PLPP3: variants seen among roughly 807,000 people sequenced by gnomAD.
PLPP3 encodes the protein PAP2 beta.
PLPP3 carries 6 observed loss-of-function variants against 29.6 expected under a neutral mutation model. The ratio of observed to expected loss-of-function variants is 0.20; its 90% CI spans 0.11 to 0.40. The LOEUF (loss-of-function observed/expected upper bound fraction) is 0.40, where lower values mean the gene tolerates loss of function less well. PLPP3 is among the 10% of genes least tolerant of loss of function. The probability of loss-of-function intolerance (pLI) is 1.00; values close to 1 mark genes in which losing one functional copy is unlikely to be tolerated. For synonymous variants in PLPP3, 152 were observed against 159.7 expected (o/e 0.95, Z 0.36); for missense variants, 308 against 407.7 (o/e 0.76, Z 2.11).
chr1:56,532,101 G>A (rs1232964508), intron 2 of PLPP3, among the ~76,000 whole-genome samples: 7 of 152,206 alleles, frequency 4.6e-5, no homozygotes, highest in African/African-American at 7.2e-5. Context: ...CAGGACATGA[G>A]AGTGAGTGTG....
At chr1:56,565,249 A>G (rs1195151403) in intron 1 of PLPP3, among the ~76,000 whole-genome samples, 1 of 152,140 alleles carries the variant, frequency 6.6e-6, no homozygotes, top group African/African-American at 2.4e-5. Flanking sequence ...GCATTTAATG[A>G]AGGAGCTGCA....
At chr1:56,538,688 A>T in intron 1 of PLPP3, 1 of 255,050 alleles carries the variant, frequency 3.9e-6, no homozygotes, top group Non-Finnish European at 7.7e-6. Flanking sequence ...GTAAACAAAA[A>T]AGTTAAGGGG....
chr1:56,529,894 A>G (rs1645876303), intron 2 of PLPP3, among the ~76,000 whole-genome samples: 1 of 152,164 alleles, frequency 6.6e-6, no homozygotes, highest in South Asian at 2.1e-4. Context: ...AAGAGGCCAG[A>G]GAGGGGCTAC....
Position 56,537,015 on chromosome 1 carries a change from A to G in PLPP3, c.237T>C (p.Thr79=). 5 of 1,613,792 alleles carry G rather than the reference A, an allele frequency of 3.1e-6. No homozygotes were observed. The highest frequency in any genetic ancestry group is 4.2e-6 in the Non-Finnish European group (5 of 1,179,840). ...NDESIKYPLK[T]GETINDAVLC... ...GCACAGCGTCATTTATTGTCTCACC[A>G]GTTTTCAGTGGGTACTTGATGCTCT... The change falls in exon 2 of 6, where the codon ACT becomes ACC. Residue 79 remains threonine, a synonymous_variant. Transcript: ENST00000371250.
intron 1 of PLPP3, among the ~76,000 whole-genome samples, chr1:56,565,377 C>T (rs1047487577): frequency 2.6e-5 from 4 of 152,026 alleles, no homozygotes; most frequent in African/African-American, 4.8e-5. Flanking sequence ...CAGAGTGACC[C>T]ATTACCACTG....
intron 2 of PLPP3, among the ~76,000 whole-genome samples, chr1:56,532,559 CTCT>C (rs1341227409): frequency 4.6e-5 from 7 of 152,130 alleles, no homozygotes; most frequent in Middle Eastern, 3.2e-3. Context: ...AGGTACTAAG[CTCT>C]TCTTCTTGTC....
At chr1:56,520,642 G>T (rs1486257666) in intron 4 of PLPP3, among the ~76,000 whole-genome samples, 1 of 120,860 alleles carries the variant, frequency 8.3e-6, no homozygotes, top group African/African-American at 2.9e-5. Context: ...GGTGGGTGGT[G>T]GCTCATGCCT....
At position 56,524,250 on chromosome 1, in the gene PLPP3, T is replaced by G; in HGVS notation, c.575+27A>C. 1 of 1,611,580 alleles carries G rather than the reference T, an allele frequency of 6.2e-7. No homozygotes were observed. Among genetic ancestry groups the G allele is most frequent in the Non-Finnish European group, 8.5e-7 (1 of 1,179,162 alleles). On this transcript the variant is annotated intron_variant, in intron 3 of 5. Coordinates refer to ENST00000371250, the MANE Select transcript of PLPP3 (RefSeq NM_003713.5). The surrounding 1 kb of genome is among the most constrained non-coding windows in gnomAD (Gnocchi z 4.3). The stretch of plus-strand genomic sequence containing the variant: ...TGCACTGTATGAAAGGGGTCCAGGC[T>G]CTGGCCATGCGGAGGTGGTGTCTCA...
At chr1:56,521,062 C>T (rs948824078) in intron 4 of PLPP3, among the ~76,000 whole-genome samples, 12 of 151,594 alleles carry the variant, frequency 7.9e-5, no homozygotes, top group African/African-American at 2.9e-4. Flanking sequence ...GGCAAAGCCT[C>T]GTCTCTACAA....
chr1:56,508,849 C>G (rs1050657148), intron 5 of PLPP3, among the ~76,000 whole-genome samples: 2 of 151,984 alleles, frequency 1.3e-5, no homozygotes, highest in Non-Finnish European at 2.9e-5. Flanking sequence ...ACAGATCTAC[C>G]CATCTCTCCT....
Position 56,496,688 on chromosome 1 carries a change from A to G in PLPP3, c.811-12T>C. 6.2e-7 allele frequency: 1 copy of G among 1,613,076 alleles called. No homozygotes were observed. Among genetic ancestry groups the G allele is most frequent in the Non-Finnish European group, 8.5e-7 (1 of 1,179,548 alleles). The stretch of plus-strand genomic sequence containing the variant: ...GACACGAAGAAAACCTAGAAGCACA[A>G]ATCAGAGATCGAAGTCAGTAACTGA... On this transcript the variant is annotated splice_polypyrimidine_tract_variant and intron_variant, in intron 5 of 5. Coordinates refer to ENST00000371250, the MANE Select transcript of PLPP3 (RefSeq NM_003713.5).
chr1:56,521,421 G>A (rs1645818844), intron 4 of PLPP3, among the ~76,000 whole-genome samples: 1 of 152,046 alleles, frequency 6.6e-6, no homozygotes, highest in Non-Finnish European at 1.5e-5. Flanking sequence ...GCTAAAAATA[G>A]AGCTGTGTAT....
At chr1:56,550,800 A>T (rs1040821800) in intron 1 of PLPP3, among the ~76,000 whole-genome samples, 8 of 151,226 alleles carry the variant, frequency 5.3e-5, no homozygotes, top group Non-Finnish European at 2.9e-5. Flanking sequence ...TGGTATTGCC[A>T]TGACAGCTGC....
intron 4 of PLPP3, among the ~76,000 whole-genome samples, chr1:56,514,231 G>A (rs1331875551): frequency 4.6e-5 from 7 of 151,942 alleles, no homozygotes; most frequent in Non-Finnish European, 4.4e-5. Flanking sequence ...GTTAGAGGCT[G>A]GGGTCAATTA....
At chr1:56,565,887 T>C (rs891283955) in intron 1 of PLPP3, among the ~76,000 whole-genome samples, 5 of 152,198 alleles carry the variant, frequency 3.3e-5, no homozygotes, top group African/African-American at 1.2e-4. Flanking sequence ...CTAGAAGACA[T>C]CTGTACTTAC....
At chr1:56,515,346 C>T (rs1295171202) in intron 4 of PLPP3, among the ~76,000 whole-genome samples, 1 of 152,128 alleles carries the variant, frequency 6.6e-6, no homozygotes, top group Non-Finnish European at 1.5e-5. Flanking sequence ...ACGAGTCCTT[C>T]AACCATTCCC....
chr1:56,560,102 C>A (rs1318261719), intron 1 of PLPP3, among the ~76,000 whole-genome samples: 1 of 152,164 alleles, frequency 6.6e-6, no homozygotes, highest in African/African-American at 2.4e-5. Flanking sequence ...TACCTCTATA[C>A]AGAGTATACA....
At chr1:56,557,015 A>AAAGAAAGAAG (rs1349023505) in intron 1 of PLPP3, among the ~76,000 whole-genome samples, 2 of 13,596 alleles carry the variant, frequency 1.5e-4, no homozygotes, top group African/African-American at 4.1e-4. Flanking sequence ...AGAAAGAGAG[A>AAAGAAAGAAG]GAGAGAGAGA....
chr1:56,538,406 C>T (rs1467833185), intron 1 of PLPP3: 3 of 360,770 alleles, frequency 8.3e-6, no homozygotes, highest in South Asian at 5.0e-5. Context: ...ACCAAAAACA[C>T]AGTGGCCTTT....
Sources: gnomAD v4.1 joint callset for allele counts (sites outside exome capture counted in the v4.1 genomes callset) on GRCh38, gnomAD v4.1.1 for gene constraint, Gnocchi (gnomAD v3.1) non-coding constraint, MANE v1.5 for transcripts, NCBI Gene and HGNC (gene_info 2026-07-23, HGNC 2026-07-21) for gene names.